Variants in RBMS1 observed in about 807,000 individuals in gnomAD.
The protein encoded by RBMS1 is RNA binding motif single stranded interacting protein 1.
Under a neutral mutation model 62.3 loss-of-function variants are expected in RBMS1, and 17 were observed. The observed-to-expected ratio is 0.27, with a 90% CI of 0.19 to 0.41. The LOEUF is 0.41. Among genes scored for constraint, RBMS1 ranks in the 10% least tolerant of loss-of-function variants. The pLI is 1.00. For synonymous variants in RBMS1, 172 were observed against 170.0 expected, an observed-to-expected ratio of 1.01 and a Z score of -0.09; for missense variants, 334 against 504.5, an observed-to-expected ratio of 0.66 and a Z score of 3.24.
intron 1 of RBMS1, among the ~76,000 whole-genome samples, chr2:160,490,891 T>C (rs773102368): frequency 5.3e-5 from 8 of 152,290 alleles, no homozygotes; most frequent in East Asian, 1.9e-4. Context: ...AACACATCAC[T>C]GTACTTTAAA....
intron 6 of RBMS1, among the ~76,000 whole-genome samples, chr2:160,292,351 GT>G (rs1688725040): frequency 6.6e-6 from 1 of 152,222 alleles, no homozygotes. Flanking sequence ...AAGAGCTAGT[GT>G]TCTTAACTAC....
intron 1 of RBMS1, among the ~76,000 whole-genome samples, chr2:160,437,414 C>T (rs1023753270): frequency 2.0e-5 from 3 of 152,224 alleles, no homozygotes; most frequent in African/African-American, 7.2e-5. Context: ...ACAAAGCAGT[C>T]TACCTAATGC....
intron 2 of RBMS1, among the ~76,000 whole-genome samples, chr2:160,355,505 T>C (rs73000657): frequency 0.055 from 8,392 of 152,182 alleles, 367 homozygotes; most frequent in African/African-American, 0.12. Context: ...CCAAATCTTA[T>C]ACTCATCTTT....
chr2:160,287,163 A>G (rs1268301293), intron 6 of RBMS1, 79 bp from the exon 7 acceptor site: 5 of 1,572,852 alleles, frequency 3.2e-6, no homozygotes, highest in Non-Finnish European at 4.3e-6. Context: ...AAAAATAGGA[A>G]TAGTGTTCAC....
chr2:160,448,480 G>C (rs957265603), intron 1 of RBMS1, among the ~76,000 whole-genome samples: 2 of 152,234 alleles, frequency 1.3e-5, no homozygotes, highest in African/African-American at 4.8e-5. Flanking sequence ...TTTTTTGATG[G>C]AGACGGGGTT....
intron 2 of RBMS1, among the ~76,000 whole-genome samples, chr2:160,323,608 G>GA (rs1491379305): frequency 0.013 from 1,078 of 84,684 alleles, 41 homozygotes; most frequent in South Asian, 0.03. Flanking sequence ...AGAATTTCAT[G>GA]AAAGAAAAAA....
At chr2:160,460,110 C>G (rs1223389531) in intron 1 of RBMS1, among the ~76,000 whole-genome samples, 3 of 152,214 alleles carry the variant, frequency 2.0e-5, no homozygotes, top group Non-Finnish European at 2.9e-5. Flanking sequence ...CACTCCTCCC[C>G]CAGTGGTTGT....
chr2:160,313,117 G>C (rs1392938054), intron 4 of RBMS1, 39 bp downstream of exon 4: 1 of 1,591,412 alleles, frequency 6.3e-7, no homozygotes, highest in South Asian at 1.1e-5. Context: ...CACAACCAAA[G>C]CTGTGGAACA....
At chr2:160,337,138 T>TTC (rs1357349359) in intron 2 of RBMS1, among the ~76,000 whole-genome samples, 3 of 149,180 alleles carry the variant, frequency 2.0e-5, no homozygotes, top group African/African-American at 7.3e-5. Context: ...TTCTTTTCTT[T>TTC]TTTTTTTTTT....
chr2:160,478,094 C>T (rs1574109265), intron 1 of RBMS1, among the ~76,000 whole-genome samples: 1 of 152,232 alleles, frequency 6.6e-6, no homozygotes, highest in Non-Finnish European at 1.5e-5. Flanking sequence ...ATGTCTCTCC[C>T]CATTCTTAAA....
intron 3 of RBMS1, 109 bp downstream of exon 3, chr2:160,318,060 A>G: frequency 1.2e-5 from 18 of 1,465,880 alleles, no homozygotes; most frequent in Non-Finnish European, 1.7e-5. Context: ...GATATATAAG[A>G]TCTGGTTTTT....
intron 2 of RBMS1, among the ~76,000 whole-genome samples, chr2:160,338,206 G>A (rs1305479858): frequency 2.6e-5 from 4 of 152,126 alleles, no homozygotes; most frequent in African/African-American, 7.2e-5. Flanking sequence ...TAAAACTACT[G>A]TTATGCATCC....
At chr2:160,359,484 G>GAGTC (rs1392773268) in intron 2 of RBMS1, among the ~76,000 whole-genome samples, 1 of 152,154 alleles carries the variant, frequency 6.6e-6, no homozygotes, top group Non-Finnish European at 1.5e-5. Flanking sequence ...AGTGAGAACT[G>GAGTC]AGTCCCTCCT....
chr2:160,281,132 T>C (rs1216856264), intron 10 of RBMS1, among the ~76,000 whole-genome samples, 182 bp downstream of exon 10: 3 of 152,222 alleles, frequency 2.0e-5, no homozygotes, highest in African/African-American at 7.2e-5. Flanking sequence ...TGTAACTTAA[T>C]ATCTTCTACC....
chr2:160,363,697 GGAAAAGA>G (rs1236677926), intron 2 of RBMS1, among the ~76,000 whole-genome samples: 5 of 152,138 alleles, frequency 3.3e-5, no homozygotes, highest in Non-Finnish European at 5.9e-5. Flanking sequence ...AAGTAAATTT[GGAAAAGA>G]GACAGTGTTG....
At chr2:160,447,805 T>TG (rs1475747222) in intron 1 of RBMS1, among the ~76,000 whole-genome samples, 2 of 152,238 alleles carry the variant, frequency 1.3e-5, no homozygotes, top group African/African-American at 4.8e-5. Flanking sequence ...TTCTGAGTGC[T>TG]GGGGGTCAAG....
At chr2:160,395,755 C>A (rs917361101) in intron 1 of RBMS1, among the ~76,000 whole-genome samples, 1 of 151,954 alleles carries the variant, frequency 6.6e-6, no homozygotes, top group Non-Finnish European at 1.5e-5. Flanking sequence ...CTTTATCTTA[C>A]ATTAACTCTT....
At position 160,272,391 on chromosome 2, in the gene RBMS1, T is replaced by C. The variant is rs1345376557; in HGVS notation, c.*2381A>G. The C allele has an allele frequency of 7.0e-6, 1 of 143,338 alleles. No individual in the cohort carries two copies. The highest frequency in any genetic ancestry group is 6.9e-5 in the Admixed American group (1 of 14,412). The allele number at this position is 143,338 out of a possible 1,614,324, so 8.9% of individuals were successfully genotyped here. A position where few individuals can be genotyped will look rare whatever the true frequency, so the allele number is the denominator to read the frequency against. ...TCATATAGATATCTCTATGAAAATC[T>C]TTTTTTTTCAATCTGTACAAAAGGT... On this transcript the variant is annotated 3_prime_UTR_variant, in exon 14 of 14. Coordinates refer to ENST00000348849, the MANE Select transcript of RBMS1 (RefSeq NM_016836.4).
intron 6 of RBMS1, among the ~76,000 whole-genome samples, chr2:160,292,815 C>A (rs1046823371): frequency 1.3e-5 from 2 of 152,196 alleles, no homozygotes; most frequent in Non-Finnish European, 2.9e-5. Flanking sequence ...GGTGTGGGGA[C>A]TAGAACACTG....
Sources: gnomAD v4.1 joint callset for allele counts (sites outside exome capture counted in the v4.1 genomes callset) on GRCh38, gnomAD v4.1.1 for gene constraint, MANE v1.5 for transcripts, NCBI Gene and HGNC (gene_info 2026-07-23, HGNC 2026-07-21) for gene names.